LIPA: variants seen among roughly 807,000 people sequenced by gnomAD.
LIPA encodes lipase A, lysosomal acid type, also known as lysosomal acid lipase/cholesteryl ester hydrolase.
A neutral mutation model predicts 40.6 loss-of-function variants in LIPA; 26 were observed. That is an observed-to-expected ratio of 0.64 (90% CI 0.47 to 0.89). The LOEUF is 0.89. Ranked by LOEUF, LIPA falls within the 40% of genes least tolerant of loss-of-function variation. LIPA has a pLI of 0.00. For missense variants in LIPA, 455 were observed against 479.6 expected (o/e 0.95, Z 0.48); for synonymous variants, 188 against 168.4 (o/e 1.12, Z -0.90).
In LIPA at chr10:89,226,922, C is replaced by A. The variant is rs776501025; in HGVS notation, c.511G>T (p.Val171Leu). Residue 171 changes from valine (V) to leucine (L), a missense_variant, in exon 5 of 10, where the codon GTG becomes TTG. Transcript: ENST00000336233. ...ATAGTGGTGCCTTGAGAATGACCCA[C>A]ATAATACACTTGTTCTTGGCCAGTT... ...NKTGQEQVYY[V>L]GHSQGTTIGF... 11 of 1,607,634 alleles carry A rather than the reference C, an allele frequency of 6.8e-6. No homozygotes were observed. The East Asian group carries it at 1.6e-4, about 23-fold the overall frequency.
intron 1 of LIPA, among the ~76,000 whole-genome samples, chr10:89,319,383 A>G (rs1034994655): frequency 1.2e-4 from 18 of 152,256 alleles, no homozygotes; most frequent in Non-Finnish European, 2.6e-4. Context: ...AGGGGATATC[A>G]CCACCAATCA....
intron 1 of LIPA, among the ~76,000 whole-genome samples, chr10:89,314,045 G>T (rs1843529594): frequency 6.6e-6 from 1 of 151,950 alleles, no homozygotes; most frequent in African/African-American, 2.4e-5. Context: ...GTTAAAAATG[G>T]GCACTCTTAT....
chr10:89,304,819 G>A (rs538090821), intron 1 of LIPA, among the ~76,000 whole-genome samples: 1 of 150,846 alleles, frequency 6.6e-6, no homozygotes, highest in South Asian at 2.1e-4. Flanking sequence ...TATTTATTTT[G>A]AGGACCAACA....
chr10:89,269,330 T>A (rs1038654258), intron 1 of LIPA, among the ~76,000 whole-genome samples: 76 of 152,108 alleles, frequency 5.0e-4, no homozygotes, highest in African/African-American at 1.8e-3. Context: ...AAAATAATAA[T>A]AATACTTTAA....
chr10:89,248,346 G>T (rs931223035), intron 1 of LIPA, among the ~76,000 whole-genome samples: 4 of 146,364 alleles, frequency 2.7e-5, no homozygotes, highest in African/African-American at 1.0e-4. Flanking sequence ...ATTTTTAGTA[G>T]AGACAGGGTT....
intron 1 of LIPA, among the ~76,000 whole-genome samples, chr10:89,331,462 C>T (rs894366028): frequency 3.9e-5 from 6 of 152,256 alleles, no homozygotes; most frequent in Admixed American, 1.3e-4. Flanking sequence ...CGTGAGCCTC[C>T]GTGCCTGGCC....
chr10:89,219,863 G>A (rs919437320), intron 8 of LIPA, among the ~76,000 whole-genome samples: 10 of 152,252 alleles, frequency 6.6e-5, no homozygotes, highest in African/African-American at 2.4e-4. Flanking sequence ...GGCCCAGGCT[G>A]CCTTGTACAG....
intron 1 of LIPA, among the ~76,000 whole-genome samples, chr10:89,263,808 G>A (rs1843222049): frequency 6.6e-6 from 1 of 152,266 alleles, no homozygotes; most frequent in African/African-American, 2.4e-5. Context: ...GCCAGGTGTA[G>A]AGTGGTGAGA....
At chr10:89,396,638 C>T (rs1228028925) in intron 2 of LIPA, among the ~76,000 whole-genome samples, 1 of 152,224 alleles carries the variant, frequency 6.6e-6, no homozygotes, top group Non-Finnish European at 1.5e-5. Flanking sequence ...CCACTAGACC[C>T]TACCTCCAAA....
intron 1 of LIPA, among the ~76,000 whole-genome samples, chr10:89,341,493 G>C (rs183161447): frequency 6.6e-6 from 1 of 152,304 alleles, no homozygotes; most frequent in East Asian, 1.9e-4. Context: ...ACTCATGAAT[G>C]TAATATCTAG....
chr10:89,396,162 T>C (rs1185518171), intron 2 of LIPA, among the ~76,000 whole-genome samples: 3 of 152,240 alleles, frequency 2.0e-5, no homozygotes, highest in Admixed American at 1.3e-4. Flanking sequence ...GTTTAACTTA[T>C]TGAGGAACCA....
At chr10:89,253,714 G>A (rs369600771), upstream of LIPA, among the ~76,000 whole-genome samples, 23 of 152,326 alleles carry the variant, frequency 1.5e-4, no homozygotes, top group African/African-American at 5.5e-4. Flanking sequence ...CTGAGACAAG[G>A]CAAGTCCCTT....
intron 2 of LIPA, among the ~76,000 whole-genome samples, chr10:89,401,241 G>C (rs303214): frequency 1 from 152,085 of 152,098 alleles, 76,036 homozygotes; most frequent in Middle Eastern, 1. Context: ...CTCAGCCTCC[G>C]AAGTAGCTGG....
At chr10:89,265,425 C>T (rs1363332949) in intron 1 of LIPA, among the ~76,000 whole-genome samples, 1 of 152,194 alleles carries the variant, frequency 6.6e-6, no homozygotes, top group African/African-American at 2.4e-5. Flanking sequence ...AGAGGCCACT[C>T]CAGATGGGCC....
chr10:89,320,132 G>C (rs1279571697), intron 1 of LIPA, among the ~76,000 whole-genome samples: 1 of 152,126 alleles, frequency 6.6e-6, no homozygotes, highest in Non-Finnish European at 1.5e-5. Flanking sequence ...GCAAAAACTG[G>C]AAGTATTCCC....
intron 2 of LIPA, among the ~76,000 whole-genome samples, chr10:89,373,671 A>G (rs1844105546): frequency 1.3e-5 from 2 of 152,218 alleles, no homozygotes; most frequent in Admixed American, 6.5e-5. Flanking sequence ...AGCCTCATAG[A>G]AAATAGGTAT....
intron 2 of LIPA, among the ~76,000 whole-genome samples, chr10:89,409,010 G>C (rs1349363863): frequency 6.6e-6 from 1 of 152,206 alleles, no homozygotes; most frequent in Non-Finnish European, 1.5e-5. Context: ...GAATTATTCA[G>C]TGATGTCCAC....
At chr10:89,267,608 T>G (rs1004194231) in intron 1 of LIPA, among the ~76,000 whole-genome samples, 1 of 145,354 alleles carries the variant, frequency 6.9e-6, no homozygotes, top group Non-Finnish European at 1.5e-5. Flanking sequence ...AGGGGTAGCA[T>G]TGGGAGATAT....
upstream of LIPA, chr10:89,414,669 G>T (rs1334318982): frequency 1.9e-6 from 2 of 1,069,722 alleles, no homozygotes; most frequent in East Asian, 3.1e-5. Flanking sequence ...CCGAGTCCAG[G>T]GGCTGCAGAG....
Sources: allele counts gnomAD v4.1 joint callset (sites outside exome capture counted in the v4.1 genomes callset), GRCh38; gene constraint gnomAD v4.1.1; transcripts MANE v1.5; gene names NCBI Gene and HGNC (gene_info 2026-07-23, HGNC 2026-07-21).